The following SLC12A7 variants were observed in gnomAD, a reference collection of about 807,000 sequenced individuals.
SLC12A7 encodes solute carrier family 12 member 7, also known as K-Cl cotransporter 4.
SLC12A7 carries 100 observed loss-of-function variants against 120.6 expected under a neutral mutation model. The ratio of observed to expected loss-of-function variants is 0.83; its 90% CI spans 0.71 to 0.98. The LOEUF (loss-of-function observed/expected upper bound fraction) is 0.98. Ranked by LOEUF, SLC12A7 falls within the 50% of genes least tolerant of loss-of-function variation. The probability of loss-of-function intolerance (pLI) is 0.00; values close to 1 mark genes in which losing one functional copy is unlikely to be tolerated. For missense variants in SLC12A7, 1,373 were observed against 1,548.1 expected (o/e 0.89, Z 1.90); for synonymous variants, 760 against 678.0 (o/e 1.12, Z -1.88).
At chr5:1,116,163 C>T (rs1055153065), upstream of SLC12A7, among the ~76,000 whole-genome samples, 1 of 152,118 alleles carries the variant, frequency 6.6e-6, no homozygotes, top group Admixed American at 6.5e-5. Context: ...ACAGAAGACC[C>T]CAGCCACAGC....
chr5:1,136,814 C>T, the SLC12A7 span, among the ~76,000 whole-genome samples: 36 of 146,038 alleles, frequency 2.5e-4, no homozygotes, highest in African/African-American at 9.9e-4. Context: ...CGTGCTCAGA[C>T]ACCAACACCA....
At position 1,100,101 on chromosome 5, in the gene SLC12A7, G is replaced by T. The variant is rs576182720; in HGVS notation, c.125-5853C>A. Among the ~76,000 whole-genome samples the T allele has an allele frequency of 3.9e-5, 6 of 152,330 alleles. No homozygotes were observed. The South Asian group carries it at 1.2e-3, about 32-fold the overall frequency. On this transcript the variant is annotated intron_variant, in intron 1 of 23. Coordinates refer to ENST00000264930, the MANE Select transcript of SLC12A7 (RefSeq NM_006598.3). ...CCGGGCTGGGCTCCCACACGCCTCG[G>T]AAGAGAAGAGCGAGGCAGCCGCTCA...
chr5:1,073,877 G>C, intron 16 of SLC12A7, 76 bp from the exon 17 acceptor site: 7 of 1,290,182 alleles, frequency 5.4e-6, no homozygotes, highest in Non-Finnish European at 7.0e-6. Context: ...AGGGCAGATG[G>C]GACGGGCGGG....
intron 23 of SLC12A7, 88 bp from the exon 24 acceptor site, chr5:1,052,539 G>A (rs1268015423): frequency 3.3e-5 from 37 of 1,118,344 alleles, no homozygotes; most frequent in South Asian, 1.5e-4. Context: ...ATCCTCTCCT[G>A]GTTAGCTAAG....
chr5:1,109,169 C>T (rs1035829829), intron 1 of SLC12A7, among the ~76,000 whole-genome samples: 1 of 152,172 alleles, frequency 6.6e-6, no homozygotes, highest in Admixed American at 6.5e-5. Flanking sequence ...CTGCACGCTG[C>T]ACCTTCCAGA....
At chr5:1,141,001 C>T in the SLC12A7 span, among the ~76,000 whole-genome samples, 6 of 152,152 alleles carry the variant, frequency 3.9e-5, no homozygotes, top group South Asian at 2.1e-4. Flanking sequence ...GGACACGGGA[C>T]GTTTATACCA....
At chr5:1,137,926 G>A in the SLC12A7 span, among the ~76,000 whole-genome samples, 2 of 152,210 alleles carry the variant, frequency 1.3e-5, no homozygotes, top group Non-Finnish European at 2.9e-5. Context: ...GGTCCAGTGA[G>A]CTGTGGCAGA....
intron 3 of SLC12A7, among the ~76,000 whole-genome samples, chr5:1,092,995 T>C (rs1006918689): frequency 6.6e-6 from 1 of 152,066 alleles, no homozygotes; most frequent in Non-Finnish European, 1.5e-5. Flanking sequence ...CCACACCTCG[T>C]CACCCACAGA....
chr5:1,133,183 T>G, the SLC12A7 span, among the ~76,000 whole-genome samples: 1 of 152,242 alleles, frequency 6.6e-6, no homozygotes, highest in Non-Finnish European at 1.5e-5. Context: ...CCCAAAGTGC[T>G]GAGATTACAG....
At chr5:1,062,540 G>A (rs1180767564) in intron 20 of SLC12A7, among the ~76,000 whole-genome samples, 1 of 152,188 alleles carries the variant, frequency 6.6e-6, no homozygotes, top group African/African-American at 2.4e-5. Context: ...CAACCCCACA[G>A]GACAACTGAG....
chr5:1,079,341 T>C, intron 10 of SLC12A7, 57 bp downstream of exon 10: 10 of 1,395,724 alleles, frequency 7.2e-6, no homozygotes, highest in Non-Finnish European at 1.0e-5. Flanking sequence ...GGGGAGGGCA[T>C]GGGGGCCTCC....
At chr5:1,052,526 T>A (rs1401989686) in intron 23 of SLC12A7, 75 bp from the exon 24 acceptor site, 2 of 1,220,910 alleles carry the variant, frequency 1.6e-6, no homozygotes, top group Admixed American at 3.4e-5. Context: ...AGGAGTGAGG[T>A]TTATCCTCTC....
At chr5:1,147,678 C>T in the SLC12A7 span, among the ~76,000 whole-genome samples, 61 of 152,310 alleles carry the variant, frequency 4.0e-4, no homozygotes, top group South Asian at 1.5e-3. Flanking sequence ...CATTTCCCAC[C>T]GAATCAATGT....
intron 1 of SLC12A7, among the ~76,000 whole-genome samples, chr5:1,099,354 C>G (rs1190304258): frequency 2.0e-5 from 3 of 151,926 alleles, no homozygotes; most frequent in African/African-American, 7.3e-5. Flanking sequence ...AGACATCAAC[C>G]CAGCCCCGAC....
rs73731163 is a variant in SLC12A7 at position 1,091,715 on chromosome 5, A to G, written c.342+1818T>C. Among the ~76,000 whole-genome samples the G allele has an allele frequency of 1.9e-3, 285 of 151,844 alleles. 1 individual carries two copies. Among genetic ancestry groups the G allele is most frequent in the African/African-American group, 6.6e-3 (273 of 41,368 alleles). On this transcript the variant is annotated intron_variant, in intron 3 of 23. Transcript: ENST00000264930. ...GCTGAGCCCGGCACACCACCACCCA[A>G]TTCCGCGGCGTCCACGTGCGGCACG...
At position 1,112,021 on chromosome 5, in the gene SLC12A7, G is replaced by A. The variant is rs939720509; in HGVS notation, c.-30C>T. 4 of 1,239,826 alleles carry A rather than the reference G, an allele frequency of 3.2e-6. No individual in the cohort carries two copies. Among genetic ancestry groups the A allele is most frequent in the East Asian group, 3.1e-5 (1 of 31,882 alleles). The allele number at this position is 1,239,826 out of a possible 1,614,324, so 76.8% of individuals were successfully genotyped here. ...GCCTGCAGCCGACAGTCCCCGTCCC[G>A]GCCCGGCCCGCGCTGCGCCGCTCCC... is the stretch of plus-strand genomic sequence containing the variant. On this transcript the variant is annotated 5_prime_UTR_variant, in exon 1 of 24. Transcript: ENST00000264930.
chr5:1,154,428 G>GAC, the SLC12A7 span, among the ~76,000 whole-genome samples: 1 of 148,516 alleles, frequency 6.7e-6, no homozygotes, highest in Non-Finnish European at 1.5e-5. Context: ...TCTAGACACA[G>GAC]ACACACACTA....
chr5:1,108,176 C>T (rs944405885), intron 1 of SLC12A7, among the ~76,000 whole-genome samples: 1 of 152,256 alleles, frequency 6.6e-6, no homozygotes, highest in Non-Finnish European at 1.5e-5. Flanking sequence ...TCACAAGGCA[C>T]ATAGGTGCCC....
At chr5:1,063,455 G>A (rs1378715656) in intron 20 of SLC12A7, among the ~76,000 whole-genome samples, 1 of 152,132 alleles carries the variant, frequency 6.6e-6, no homozygotes, top group African/African-American at 2.4e-5. Flanking sequence ...TGCTGATGCC[G>A]GCTCTAGGGC....
Sources: gnomAD v4.1 joint callset for allele counts (sites outside exome capture counted in the v4.1 genomes callset) on GRCh38, gnomAD v4.1.1 for gene constraint, MANE v1.5 for transcripts, NCBI Gene and HGNC (gene_info 2026-07-23, HGNC 2026-07-21) for gene names.